The following MAP1B variants were observed in gnomAD, a reference collection of about 807,000 sequenced individuals.
The protein encoded by MAP1B is microtubule-associated protein 1B.
MAP1B carries 12 observed loss-of-function variants against 176.1 expected under a neutral mutation model. That is an observed-to-expected ratio of 0.07 (90% CI 0.04 to 0.11). The LOEUF is 0.11. Ranked by LOEUF, MAP1B falls within the 10% of genes least tolerant of loss-of-function variation. The pLI is 1.00. For missense variants in MAP1B, 2,523 were observed against 2,990.5 expected, an observed-to-expected ratio of 0.84 and a Z score of 3.65; for synonymous variants, 1,044 against 1,135.0, an observed-to-expected ratio of 0.92 and a Z score of 1.61.
intron 2 of MAP1B, among the ~76,000 whole-genome samples, chr5:72,125,890 C>T (rs1240354906): frequency 6.6e-6 from 1 of 152,126 alleles, no homozygotes; most frequent in Non-Finnish European, 1.5e-5. Context: ...TAAGAATTCA[C>T]CCTTCTGAAA....
At chr5:72,171,612 T>A (rs1746544234) in intron 2 of MAP1B, among the ~76,000 whole-genome samples, 1 of 151,840 alleles carries the variant, frequency 6.6e-6, no homozygotes, top group Non-Finnish European at 1.5e-5. Context: ...TTTTTTAAAG[T>A]GGAAGAAACG....
In MAP1B at chr5:72,193,861, C is replaced by T. The variant is rs1319238460; in HGVS notation, c.511-5C>T. The T allele has an allele frequency of 6.4e-7, 1 of 1,567,794 alleles. No individual in the cohort carries two copies. Among genetic ancestry groups the T allele is most frequent in the East Asian group, 2.2e-5 (1 of 44,574 alleles). On this transcript the variant is annotated splice_polypyrimidine_tract_variant and splice_region_variant and intron_variant, in intron 4 of 6. Transcript: ENST00000296755. ...TCTTTCTTTCTTTCTTTCTTTAAAA[C>T]CCAGATCGGGGAGTTACTAAGCACC... is the stretch of plus-strand genomic sequence containing the variant.
intron 2 of MAP1B, among the ~76,000 whole-genome samples, chr5:72,142,666 T>C (rs1745966965): frequency 6.6e-6 from 1 of 151,840 alleles, no homozygotes; most frequent in African/African-American, 2.4e-5. Flanking sequence ...AAAAAGGGAT[T>C]TTTTTTCAGG....
intron 2 of MAP1B, among the ~76,000 whole-genome samples, chr5:72,157,268 A>G (rs1349856387): frequency 6.6e-6 from 1 of 152,178 alleles, no homozygotes; most frequent in Non-Finnish European, 1.5e-5. Flanking sequence ...AAATCCCAAG[A>G]CAATCAGCTG....
rs1247084536 is a variant in MAP1B at position 72,204,997 on chromosome 5, A to G, written c.7252-87A>G. 7 of 899,598 alleles carry G rather than the reference A, an allele frequency of 7.8e-6. No homozygotes were observed. Among genetic ancestry groups the G allele is most frequent in the Non-Finnish European group, 1.1e-5 (7 of 613,048 alleles). 55.7% of individuals were successfully genotyped at this position (899,598 alleles called of 1,614,324 possible). A position where few individuals can be genotyped will look rare whatever the true frequency, so the allele number is the denominator to read the frequency against. ...TTTCTCTCATTTCCCTTCTTCTTCCAGTGGTCTAATACCTTGCTATTCAAT... is the reference window on the plus strand; with the variant it reads ...TTTCTCTCATTTCCCTTCTTCTTCCGGTGGTCTAATACCTTGCTATTCAAT... On this transcript the variant is annotated intron_variant, in intron 6 of 6. Coordinates refer to ENST00000296755, the MANE Select transcript of MAP1B (RefSeq NM_005909.5). The surrounding 1 kb of genome is among the most constrained non-coding windows in gnomAD (Gnocchi z 4.4).
At chr5:72,152,889 T>C (rs960030779) in intron 2 of MAP1B, among the ~76,000 whole-genome samples, 1 of 152,096 alleles carries the variant, frequency 6.6e-6, no homozygotes, top group African/African-American at 2.4e-5. Flanking sequence ...GCTCTCATGC[T>C]CGCTGGGCCT....
At chr5:72,202,346 C>T (rs553217947) in intron 5 of MAP1B, among the ~76,000 whole-genome samples, 3 of 152,230 alleles carry the variant, frequency 2.0e-5, no homozygotes, top group Non-Finnish European at 4.4e-5. Context: ...TGAGGGCTTT[C>T]GGCTCAGATT....
intron 2 of MAP1B, among the ~76,000 whole-genome samples, chr5:72,149,598 G>A (rs989063766): frequency 2.6e-5 from 4 of 152,204 alleles, no homozygotes; most frequent in Admixed American, 6.5e-5. Flanking sequence ...TTTGTTGAGC[G>A]TCTCCAGGAC....
At chr5:72,122,022 A>C (rs1745538816) in intron 2 of MAP1B, among the ~76,000 whole-genome samples, 1 of 152,212 alleles carries the variant, frequency 6.6e-6, no homozygotes. Context: ...GGCTCTGCTC[A>C]TCTTTCCTCA....
At chr5:72,133,628 G>A (rs1021391859) in intron 2 of MAP1B, among the ~76,000 whole-genome samples, 1 of 152,180 alleles carries the variant, frequency 6.6e-6, no homozygotes, top group Non-Finnish European at 1.5e-5. Context: ...AAATTCAGTA[G>A]CTATAAGGCA....
chr5:72,199,101 C>T lies in MAP1B; in HGVS notation c.5746C>T (p.Pro1916Ser). The change falls in exon 5 of 7, where the codon CCA becomes TCA. Residue 1916 changes from proline to serine, a missense_variant. Around this residue, in one of 4 missense-constraint regions of MAP1B, gnomAD observed 1,925 missense variants for 2,126.0 expected, o/e 0.91. Transcript: ENST00000296755. This position sits in a 1 kb window ranked among gnomAD's most constrained non-coding sequence, Gnocchi z 4.2. The stretch of plus-strand genomic sequence containing the variant: ...GAAGATAGAGAGAACCACAAAATCT[C>T]CAAGTGACAGTGGCTACTCCTATGA... Reference protein sequence around the residue: ...YEKIERTTKSPSDSGYSYETI... With the variant: ...YEKIERTTKSSSDSGYSYETI... The T allele has an allele frequency of 6.2e-7, 1 of 1,614,082 alleles. No homozygotes were observed. The highest frequency in any genetic ancestry group is 8.5e-7 in the Non-Finnish European group (1 of 1,180,004).
intron 2 of MAP1B, among the ~76,000 whole-genome samples, chr5:72,158,084 T>C (rs1746260262): frequency 6.7e-6 from 1 of 149,352 alleles, no homozygotes; most frequent in Admixed American, 6.8e-5. Context: ...CTCAGCTCAC[T>C]GCAGGCTCCG....
At chr5:72,177,891 A>C (rs1300979176) in intron 2 of MAP1B, among the ~76,000 whole-genome samples, 1 of 152,140 alleles carries the variant, frequency 6.6e-6, no homozygotes, top group African/African-American at 2.4e-5. Flanking sequence ...TGAGTTGAAT[A>C]ACTCTGACTC....
intron 2 of MAP1B, among the ~76,000 whole-genome samples, chr5:72,167,324 G>T (rs973254049): frequency 6.6e-6 from 1 of 152,096 alleles, no homozygotes; most frequent in Non-Finnish European, 1.5e-5. Context: ...TACCCCCAAG[G>T]ACTAGAAAGT....
At chr5:72,108,596 C>G (rs544627937) in intron 1 of MAP1B, among the ~76,000 whole-genome samples, 3 of 152,180 alleles carry the variant, frequency 2.0e-5, no homozygotes, top group Non-Finnish European at 4.4e-5. Flanking sequence ...CCGTGAGGGT[C>G]CGGCGGGCAC....
intron 2 of MAP1B, among the ~76,000 whole-genome samples, chr5:72,129,555 C>T (rs550046883): frequency 0.025 from 3,757 of 150,436 alleles, 109 homozygotes; most frequent in African/African-American, 0.074. Flanking sequence ...AGACTCCGTC[C>T]TAAAAAAAAA....
In MAP1B at chr5:72,186,578, C is replaced by G. The variant is rs753236400; in HGVS notation, c.370-36C>G. On this transcript the variant is annotated intron_variant, in intron 3 of 6. Coordinates refer to ENST00000296755, the MANE Select transcript of MAP1B (RefSeq NM_005909.5). This position sits in a 1 kb window ranked among gnomAD's most constrained non-coding sequence, Gnocchi z 4.3. ...CTGAAGGTGGGATGGCAGCACTGCC[C>G]ATGGCTCAGGGCCTACGTTCTGTGC... is the stretch of plus-strand genomic sequence containing the variant. 5.8e-5 allele frequency: 93 copies of G among 1,609,268 alleles called. No individual in the cohort carries two copies. The highest frequency in any genetic ancestry group is 9.3e-6 in the Non-Finnish European group (11 of 1,177,642).
intron 2 of MAP1B, among the ~76,000 whole-genome samples, chr5:72,133,398 G>T (rs1745773510): frequency 6.6e-6 from 1 of 152,204 alleles, no homozygotes; most frequent in South Asian, 2.1e-4. Context: ...CTGATACCCT[G>T]CAGTAAGCTT....
chr5:72,209,399 C>T lies in MAP1B; in HGVS notation c.*4160C>T, dbSNP rs1367753718. 6.6e-6 allele frequency: 1 copy of T among 152,154 alleles called. No homozygotes were observed. Among genetic ancestry groups the T allele is most frequent in the Non-Finnish European group, 1.5e-5 (1 of 68,034 alleles). The allele number at this position is 152,154 out of a possible 1,614,324, so 9.4% of individuals were successfully genotyped here. A position where few individuals can be genotyped will look rare whatever the true frequency, so the allele number is the denominator to read the frequency against. On this transcript the variant is annotated 3_prime_UTR_variant, in exon 7 of 7. Coordinates refer to ENST00000296755, the MANE Select transcript of MAP1B (RefSeq NM_005909.5). ...TATTATGTCTTATAATCCTGCATCA[C>T]TTCTATCCTATCCAGTCATATCTAA... is the stretch of plus-strand genomic sequence containing the variant.
Sources: allele counts gnomAD v4.1 joint callset (sites outside exome capture counted in the v4.1 genomes callset), GRCh38; gene constraint gnomAD v4.1.1; regional missense constraint gnomAD v4.1.1; non-coding constraint Gnocchi (gnomAD v3.1); transcripts MANE v1.5; gene names NCBI Gene and HGNC (gene_info 2026-07-23, HGNC 2026-07-21).